The following PPP2R5B variants were observed in gnomAD, a reference collection of about 807,000 sequenced individuals.
PPP2R5B encodes the protein serine/threonine-protein phosphatase 2A 56 kDa regulatory subunit beta isoform.
A neutral mutation model predicts 59.9 loss-of-function variants in PPP2R5B; 19 were observed. The observed-to-expected ratio is 0.32, with a 90% CI of 0.22 to 0.47. PPP2R5B has a LOEUF of 0.47. Among genes scored for constraint, PPP2R5B ranks in the 20% least tolerant of loss-of-function variants. The pLI is 1.00. For synonymous variants in PPP2R5B, 286 were observed against 260.5 expected (o/e 1.10, Z -0.94); for missense variants, 441 against 640.2 (o/e 0.69, Z 3.36).
chr11:64,921,030 C>T (rs2136672338), upstream of PPP2R5B, among the ~76,000 whole-genome samples: 1 of 151,160 alleles, frequency 6.6e-6, no homozygotes, highest in South Asian at 2.1e-4. Flanking sequence ...TCACAGTTCA[C>T]TGCAACCTCT....
At chr11:64,928,594 T>C (rs1047715950) in intron 6 of PPP2R5B, among the ~76,000 whole-genome samples, 169 bp downstream of exon 6, 3 of 152,180 alleles carry the variant, frequency 2.0e-5, no homozygotes, top group Admixed American at 6.5e-5. Context: ...CTGGCCAACA[T>C]GGTGAAACCC....
chr11:64,917,850 C>A (rs2136666159), intron 1 of PPP2R5B, among the ~76,000 whole-genome samples: 1 of 152,260 alleles, frequency 6.6e-6, no homozygotes, highest in East Asian at 1.9e-4. Context: ...CCCTCCTCAC[C>A]CCGGAATGCT....
rs1340407832 is a variant in PPP2R5B at position 64,934,256 on chromosome 11, G to T, written c.*412G>T. 2 of 213,688 alleles carry T rather than the reference G, an allele frequency of 9.4e-6. No individual in the cohort carries two copies. The highest frequency in any genetic ancestry group is 1.9e-5 in the Non-Finnish European group (2 of 107,458). 13.2% of individuals were successfully genotyped at this position (213,688 alleles called of 1,614,324 possible). On this transcript the variant is annotated 3_prime_UTR_variant, in exon 14 of 14. Coordinates refer to ENST00000164133, the MANE Select transcript of PPP2R5B (RefSeq NM_006244.4). Reference sequence around the variant, plus strand: ...TGGGGTCCATGGTCTATTTATTCTCGCCCAGCTCACCCTCTACACAGACAC... The same window carrying T: ...TGGGGTCCATGGTCTATTTATTCTCTCCCAGCTCACCCTCTACACAGACAC...
At chr11:64,920,922 C>G (rs978370846), upstream of PPP2R5B, among the ~76,000 whole-genome samples, 1 of 145,262 alleles carries the variant, frequency 6.9e-6, no homozygotes, top group African/African-American at 2.6e-5. Context: ...GCCACTGCGC[C>G]CAGCCTTCGG....
chr11:64,927,737 T>G, intron 3 of PPP2R5B, 65 bp from the exon 4 acceptor site: 1 of 1,204,210 alleles, frequency 8.3e-7, no homozygotes, highest in Non-Finnish European at 1.2e-6. Context: ...AAGCTTTGAA[T>G]GAGAGACTCC....
chr11:64,924,555 G>GGGT (rs1945137987), upstream of PPP2R5B: 1 of 152,296 alleles, frequency 6.6e-6, no homozygotes, highest in Non-Finnish European at 1.5e-5. Flanking sequence ...CTGCCCTCAG[G>GGGT]GGTGTCCCCT....
chr11:64,928,714 C>A (rs1350881595), intron 6 of PPP2R5B, among the ~76,000 whole-genome samples: 1 of 152,226 alleles, frequency 6.6e-6, no homozygotes, highest in African/African-American at 2.4e-5. Context: ...GAAACCCCGT[C>A]TCTACTAAAA....
Position 64,927,308 on chromosome 11 carries a change from C to T in PPP2R5B, c.396+400C>T, listed in dbSNP as rs182936269. ...AGAAGGCAGGGATGTGTCCCATTCA[C>T]CCCTGGGTTCCCAGCCCCTGGCCCA... On this transcript the variant is annotated intron_variant, in intron 3 of 13. Transcript: ENST00000164133. Among the ~76,000 whole-genome samples, 41 of 152,368 alleles carry T rather than the reference C, an allele frequency of 2.7e-4. No individual in the cohort carries two copies. The East Asian group carries it at 7.7e-3, about 29-fold the overall frequency.
upstream of PPP2R5B, among the ~76,000 whole-genome samples, chr11:64,921,510 C>G (rs1945110126): frequency 6.6e-6 from 1 of 152,230 alleles, no homozygotes; most frequent in Admixed American, 6.5e-5. Context: ...CTCCCTCCCC[C>G]CAGGGATGGC....
upstream of PPP2R5B, chr11:64,924,152 G>GA (rs906530929): frequency 1.3e-5 from 2 of 152,270 alleles, no homozygotes; most frequent in African/African-American, 2.4e-5. Flanking sequence ...ACGGGAGGGG[G>GA]ACTGCAGGCC....
rs896824943 is a variant in PPP2R5B, at chr11:64,931,680, G to A, written c.997-69G>A. The stretch of plus-strand genomic sequence containing the variant: ...CTCGGCCTCTAGAAGGCAGTCAGGT[G>A]TGTGTATGTGTAGGGGGAGATGTGA... On this transcript the variant is annotated intron_variant, in intron 10 of 13. Coordinates refer to ENST00000164133, the MANE Select transcript of PPP2R5B (RefSeq NM_006244.4). The surrounding 1 kb of genome is among the most constrained non-coding windows in gnomAD (Gnocchi z 5.0). The A allele has an allele frequency of 1.5e-5, 25 of 1,613,982 alleles. No homozygotes were observed. The highest frequency in any genetic ancestry group is 2.0e-5 in the Non-Finnish European group (24 of 1,179,976).
chr11:64,930,007 C>T (rs995795185), intron 6 of PPP2R5B, among the ~76,000 whole-genome samples: 1 of 152,176 alleles, frequency 6.6e-6, no homozygotes, highest in African/African-American at 2.4e-5. Flanking sequence ...GCCCCATCTC[C>T]CTGGATAATT....
chr11:64,923,479 CA>C (rs1945128203), upstream of PPP2R5B, among the ~76,000 whole-genome samples: 1 of 152,228 alleles, frequency 6.6e-6, no homozygotes, highest in South Asian at 2.1e-4. Flanking sequence ...GGTTCCTGAG[CA>C]AGCAGAGCAC....
rs1259218258 is a variant in PPP2R5B at position 64,931,135 on chromosome 11, C to T, written c.892-301C>T. 1.3e-5 allele frequency among the ~76,000 whole-genome samples: 2 copies of T among 152,120 alleles called. No homozygotes were observed. Among genetic ancestry groups the T allele is most frequent in the Non-Finnish European group, 2.9e-5 (2 of 68,020 alleles). ...GGCTCAAGTGATTCTGCTGCCTCGG[C>T]CTCCCAAAGTGCTTGGATTACAGGC... is the stretch of plus-strand genomic sequence containing the variant. On this transcript the variant is annotated intron_variant, in intron 8 of 13. Coordinates refer to ENST00000164133, the MANE Select transcript of PPP2R5B (RefSeq NM_006244.4). This position sits in a 1 kb window ranked among gnomAD's most constrained non-coding sequence, Gnocchi z 5.0.
In PPP2R5B at chr11:64,928,877, C is replaced by T. The variant is rs564803702; in HGVS notation, c.722+452C>T. 9.2e-5 allele frequency among the ~76,000 whole-genome samples: 14 copies of T among 151,840 alleles called. No individual in the cohort carries two copies. In the East Asian group the frequency reaches 9.7e-4, roughly 11 times the overall value. The stretch of plus-strand genomic sequence containing the variant: ...CCGCAGTCCGGCCTGGGCGACAGAG[C>T]GAGACGGATGAACCCAGGAGGTGGA... On this transcript the variant is annotated intron_variant, in intron 6 of 13. Transcript: ENST00000164133.
At position 64,932,768 on chromosome 11, in the gene PPP2R5B, G is replaced by A; in HGVS notation, c.1120G>A (p.Ala374Thr). Reference protein sequence around the residue: ...RCVSSPHFQVAERALYFWNNE... With the variant: ...RCVSSPHFQVTERALYFWNNE... Reference sequence around the variant, plus strand: ...TCTGCCATCTTGTCTGCCCCAGGTTGCAGAGCGGGCTCTGTATTTCTGGAA... The same window carrying A: ...TCTGCCATCTTGTCTGCCCCAGGTTACAGAGCGGGCTCTGTATTTCTGGAA... The change falls in exon 12 of 14, where the codon GCA (alanine) becomes ACA (threonine). Residue 374 changes from alanine to threonine, a missense_variant. Ala to Thr is a moderately conservative substitution (Grantham distance 58, BLOSUM62 0). Coordinates refer to ENST00000164133, the MANE Select transcript of PPP2R5B (RefSeq NM_006244.4). The A allele has an allele frequency of 6.2e-7, 1 of 1,613,630 alleles. No individual in the cohort carries two copies.
At chr11:64,933,672 G>A in intron 13 of PPP2R5B, 25 bp from the exon 14 acceptor site, 1 of 1,541,456 alleles carries the variant, frequency 6.5e-7, no homozygotes, top group Non-Finnish European at 8.8e-7. Flanking sequence ...CCAGGAAAGG[G>A]AGCTGCCTCA....
upstream of PPP2R5B, chr11:64,922,880 A>G (rs1000846789): frequency 6.6e-6 from 1 of 151,694 alleles, no homozygotes; most frequent in African/African-American, 2.4e-5. Context: ...ATCTCAAAAA[A>G]AAAAAAAAGT....
Position 64,933,913 on chromosome 11 carries a change from G to T in PPP2R5B, c.*69G>T. 1.4e-6 allele frequency: 2 copies of T among 1,419,568 alleles called. No individual in the cohort carries two copies. The highest frequency in any genetic ancestry group is 1.9e-6 in the Non-Finnish European group (2 of 1,080,218). The allele number at this position is 1,419,568 out of a possible 1,614,324, so 87.9% of individuals were successfully genotyped here. A position where few individuals can be genotyped will look rare whatever the true frequency, so the allele number is the denominator to read the frequency against. On this transcript the variant is annotated 3_prime_UTR_variant, in exon 14 of 14. Transcript: ENST00000164133. ...CCCTCTATCCCTTCTCCTGTCCAGGGGCCCAGAGAGAAACACACCTACCCC... is the reference window on the plus strand; with the variant it reads ...CCCTCTATCCCTTCTCCTGTCCAGGTGCCCAGAGAGAAACACACCTACCCC...
Sources: gnomAD v4.1 joint callset for allele counts (sites outside exome capture counted in the v4.1 genomes callset) on GRCh38, gnomAD v4.1.1 for gene constraint, Gnocchi (gnomAD v3.1) non-coding constraint, MANE v1.5 for transcripts, NCBI Gene and HGNC (gene_info 2026-07-23, HGNC 2026-07-21) for gene names.